The following FOXP1 variants were observed in gnomAD, a reference collection of about 807,000 sequenced individuals.
FOXP1 encodes the protein forkhead box protein P1.
FOXP1 carries 15 observed loss-of-function variants against 98.2 expected under a neutral mutation model. The observed-to-expected ratio is 0.15, with a 90% CI of 0.10 to 0.24. FOXP1 has a LOEUF of 0.24. Ranked by LOEUF, FOXP1 falls within the 10% of genes least tolerant of loss-of-function variation. The pLI, the probability that FOXP1 is intolerant of heterozygous loss-of-function variation, is 1.00. For missense variants in FOXP1, 633 were observed against 848.5 expected, an observed-to-expected ratio of 0.75 and a Z score of 3.15; for synonymous variants, 371 against 314.5, an observed-to-expected ratio of 1.18 and a Z score of -1.90.
At chr3:71,013,207 T>A (rs2043919134) in intron 12 of FOXP1, among the ~76,000 whole-genome samples, 1 of 152,148 alleles carries the variant, frequency 6.6e-6, no homozygotes, top group Non-Finnish European at 1.5e-5. Context: ...TTACTCCACT[T>A]TCCCTATAAG....
chr3:71,199,735 G>A (rs911850648), intron 5 of FOXP1, among the ~76,000 whole-genome samples: 15 of 150,752 alleles, frequency 1.0e-4, no homozygotes, highest in African/African-American at 3.2e-4. Flanking sequence ...GTGAGACTCC[G>A]TCTCAAAACA....
chr3:71,132,949 C>CT (rs1483512558), intron 6 of FOXP1, among the ~76,000 whole-genome samples: 1 of 148,634 alleles, frequency 6.7e-6, no homozygotes, highest in Non-Finnish European at 1.5e-5. Context: ...CTAGTTCAAT[C>CT]TGTGAAAGTC....
Position 71,440,618 on chromosome 3 carries a change from C to T in FOXP1, c.-168+52808G>A, listed in dbSNP as rs1310614674. ...GGCTGAGGCAGAAGAATCACTTGAACCCGGAAGGCAGAGGTTGCAGTGAGC... is the reference window on the plus strand; with the variant it reads ...GGCTGAGGCAGAAGAATCACTTGAATCCGGAAGGCAGAGGTTGCAGTGAGC... On this transcript the variant is annotated intron_variant, in intron 3 of 20. Transcript: ENST00000649528. Among the ~76,000 whole-genome samples, 6 of 151,938 alleles carry T rather than the reference C, an allele frequency of 3.9e-5. No homozygotes were observed. In the East Asian group the frequency reaches 5.8e-4, roughly 15 times the overall value.
At position 71,293,639 on chromosome 3, in the gene FOXP1, C is replaced by T. The variant is rs182558220; in HGVS notation, c.-12+6181G>A. Among the ~76,000 whole-genome samples, 279 of 152,124 alleles carry T rather than the reference C, an allele frequency of 1.8e-3. 1 individual carries two copies. The highest frequency in any genetic ancestry group is 5.9e-3 in the African/African-American group (243 of 41,502). On this transcript the variant is annotated intron_variant, in intron 5 of 20. Transcript: ENST00000649528. ...TCAACAAGTGACTTCTGCTTGAAAA[C>T]GAACTCTATTGAGCATATTTCTCTG...
At chr3:71,573,776 G>C (rs1224283638) in intron 2 of FOXP1, 16 of 151,744 alleles carry the variant, frequency 1.1e-4, no homozygotes, top group Admixed American at 9.8e-4. Context: ...TCCTTCCCAA[G>C]GCTCAATCAA....
At chr3:71,309,198 C>A (rs940517385) in intron 4 of FOXP1, among the ~76,000 whole-genome samples, 1 of 152,144 alleles carries the variant, frequency 6.6e-6, no homozygotes, top group Non-Finnish European at 1.5e-5. Context: ...CTATCCATCT[C>A]GATCCATCCA....
intron 11 of FOXP1, among the ~76,000 whole-genome samples, chr3:71,034,520 T>C (rs531312630): frequency 9.4e-4 from 143 of 151,954 alleles, no homozygotes; most frequent in Non-Finnish European, 1.8e-3. Context: ...ACTATGAGGA[T>C]TAAATAGGAA....
Position 70,958,370 on chromosome 3 carries a change from C to A in FOXP1, c.*877G>T, listed in dbSNP as rs1326770009. ...AGGACGTCACGTCTGTGTGAGAGGG[C>A]CTTCATGTGTAGAGTGCAGCATTTG... On this transcript the variant is annotated 3_prime_UTR_variant, in exon 21 of 21. Coordinates refer to ENST00000649528, the MANE Select transcript of FOXP1 (RefSeq NM_001349338.3). 3.8e-6 allele frequency: 2 copies of A among 530,560 alleles called. No individual in the cohort carries two copies. The highest frequency in any genetic ancestry group is 3.1e-5 in the South Asian group (2 of 64,436). The allele number at this position is 530,560 out of a possible 1,614,324, so 32.9% of individuals were successfully genotyped here.
intron 7 of FOXP1, among the ~76,000 whole-genome samples, chr3:71,059,864 A>G (rs2051230427): frequency 6.6e-6 from 1 of 152,158 alleles, no homozygotes; most frequent in Non-Finnish European, 1.5e-5. Flanking sequence ...GTTCTCTTAA[A>G]TTGAAGTATT....
intron 3 of FOXP1, among the ~76,000 whole-genome samples, chr3:71,372,001 C>G (rs6772042): frequency 6.6e-6 from 1 of 151,518 alleles, no homozygotes. Flanking sequence ...ATCATTCTTT[C>G]GTCTTTTCTT....
At chr3:71,134,527 G>A (rs939428647) in intron 6 of FOXP1, among the ~76,000 whole-genome samples, 1 of 152,022 alleles carries the variant, frequency 6.6e-6, no homozygotes. Flanking sequence ...ATATAGCCAA[G>A]GAAATACTGC....
chr3:71,198,429 G>GCCCCCCCCCC, intron 5 of FOXP1, 37 bp from the exon 6 acceptor site: 1 of 497,204 alleles, frequency 2.0e-6, no homozygotes. Flanking sequence ...GGAGGGAGGG[G>GCCCCCCCCCC]GGGAGAAAAA....
intron 5 of FOXP1, among the ~76,000 whole-genome samples, chr3:71,228,414 A>T (rs950697577): frequency 6.6e-6 from 1 of 152,174 alleles, no homozygotes; most frequent in African/African-American, 2.4e-5. Context: ...GTTACAATGA[A>T]GGTAAAGGGC....
intron 6 of FOXP1, among the ~76,000 whole-genome samples, chr3:71,175,713 G>A (rs1323830202): frequency 6.6e-6 from 1 of 152,092 alleles, no homozygotes; most frequent in Non-Finnish European, 1.5e-5. Context: ...TTCCTAAACC[G>A]GAAACAAATA....
intron 6 of FOXP1, among the ~76,000 whole-genome samples, chr3:71,161,302 G>T (rs964903045): frequency 6.6e-5 from 10 of 152,190 alleles, no homozygotes; most frequent in African/African-American, 2.2e-4. Flanking sequence ...TTATGCAGCT[G>T]CATTCAGCTG....
At chr3:71,552,070 A>G (rs1175653339) in intron 2 of FOXP1, among the ~76,000 whole-genome samples, 1 of 152,186 alleles carries the variant, frequency 6.6e-6, no homozygotes. Context: ...CACAGATAAC[A>G]AAACAAAATC....
At chr3:71,039,536 T>C (rs1415493310) in intron 11 of FOXP1, among the ~76,000 whole-genome samples, 1 of 152,176 alleles carries the variant, frequency 6.6e-6, no homozygotes, top group Non-Finnish European at 1.5e-5. Flanking sequence ...ACAGGAAATC[T>C]GTGCAGGCTC....
chr3:71,291,012 T>C (rs991599480), intron 5 of FOXP1, among the ~76,000 whole-genome samples: 3 of 152,204 alleles, frequency 2.0e-5, no homozygotes, highest in Non-Finnish European at 4.4e-5. Context: ...TTACATGGAC[T>C]TACCCTGACC....
chr3:71,499,769 C>T lies in FOXP1; in HGVS notation c.-297-6214G>A, dbSNP rs541235525. Among the ~76,000 whole-genome samples, 9 of 152,286 alleles carry T rather than the reference C, an allele frequency of 5.9e-5. No individual in the cohort carries two copies. The South Asian group carries it at 1.9e-3, about 32-fold the overall frequency. Reference sequence around the variant, plus strand: ...GGAACAGAAGTGGGTGGAGCGGGCTCCATCACCAACTCCTGTGAATAACTT... The same window carrying T: ...GGAACAGAAGTGGGTGGAGCGGGCTTCATCACCAACTCCTGTGAATAACTT... On this transcript the variant is annotated intron_variant, in intron 2 of 20. Transcript: ENST00000649528.
Sources: gnomAD v4.1 joint callset for allele counts (sites outside exome capture counted in the v4.1 genomes callset) on GRCh38, gnomAD v4.1.1 for gene constraint, MANE v1.5 for transcripts, NCBI Gene and HGNC (gene_info 2026-07-23, HGNC 2026-07-21) for gene names.